The following RORA variants were observed in gnomAD, a reference collection of about 807,000 sequenced individuals.
RORA encodes the protein RAR related orphan receptor A, also known as nuclear receptor ROR-alpha.
Under a neutral mutation model 69.5 loss-of-function variants are expected in RORA, and 7 were observed. The observed-to-expected ratio is 0.10, with a 90% confidence interval of 0.06 to 0.19. RORA has a LOEUF of 0.19. RORA is among the 10% of genes least tolerant of loss of function. The pLI is 1.00. For missense variants in RORA, 457 were observed against 663.0 expected (o/e 0.69, Z 3.41); for synonymous variants, 261 against 240.8 (o/e 1.08, Z -0.78).
chr15:60,895,625 T>C (rs1891213367), intron 1 of RORA, among the ~76,000 whole-genome samples: 1 of 152,206 alleles, frequency 6.6e-6, no homozygotes, highest in Admixed American at 6.5e-5. Flanking sequence ...AGGCTGAGGC[T>C]TTTTATTTAA....
At chr15:60,547,914 C>G (rs184224743) in intron 2 of RORA, 59 of 152,224 alleles carry the variant, frequency 3.9e-4, no homozygotes, top group African/African-American at 1.4e-3. Flanking sequence ...AGTACGTTTG[C>G]TAAAATAAAA....
At chr15:61,028,976 G>C (rs1340794316) in intron 1 of RORA, among the ~76,000 whole-genome samples, 1 of 152,108 alleles carries the variant, frequency 6.6e-6, no homozygotes, top group African/African-American at 2.4e-5. Flanking sequence ...GTATGATGGG[G>C]AGTGAGTGCT....
chr15:61,105,638 T>C (rs1332393975), intron 1 of RORA, among the ~76,000 whole-genome samples: 3 of 152,214 alleles, frequency 2.0e-5, no homozygotes, highest in Admixed American at 6.5e-5. Context: ...AATCTAGTAA[T>C]GCATGAAAAT....
intron 1 of RORA, among the ~76,000 whole-genome samples, chr15:60,864,787 G>A (rs1330872820): frequency 6.6e-6 from 1 of 152,198 alleles, no homozygotes. Flanking sequence ...CATGAAGAGG[G>A]TGGGCATCTC....
intron 2 of RORA, among the ~76,000 whole-genome samples, chr15:60,578,164 T>C (rs541793125): frequency 9.1e-4 from 139 of 152,368 alleles, no homozygotes; most frequent in African/African-American, 3.1e-3. Flanking sequence ...TACACCGGTA[T>C]ATTTTGCACT....
chr15:60,887,136 A>G (rs2073759998), intron 1 of RORA, among the ~76,000 whole-genome samples: 1 of 118,448 alleles, frequency 8.4e-6, no homozygotes, highest in African/African-American at 3.4e-5. Context: ...TCCCTTTGCC[A>G]GAGCTGAGAG....
intron 1 of RORA, among the ~76,000 whole-genome samples, chr15:61,171,040 C>T (rs920494475): frequency 6.6e-6 from 1 of 152,224 alleles, no homozygotes; most frequent in Admixed American, 6.5e-5. Context: ...CAGCTGGTCA[C>T]TAGCAAAGGC....
intron 1 of RORA, among the ~76,000 whole-genome samples, chr15:60,941,855 G>A (rs1301450754): frequency 3.9e-5 from 6 of 152,292 alleles, no homozygotes; most frequent in East Asian, 1.9e-4. Context: ...AAGAAAAGAC[G>A]TGCAAACCGG....
At chr15:60,896,941 G>T (rs148580685) in intron 1 of RORA, among the ~76,000 whole-genome samples, 2 of 152,246 alleles carry the variant, frequency 1.3e-5, no homozygotes, top group Non-Finnish European at 2.9e-5. Context: ...TTCTCATGAG[G>T]TGGCTGCTCA....
intron 1 of RORA, among the ~76,000 whole-genome samples, chr15:60,945,276 C>T (rs1042539546): frequency 2.6e-5 from 4 of 152,164 alleles, no homozygotes; most frequent in Non-Finnish European, 5.9e-5. Context: ...ATGTATTCCA[C>T]GGTTCCTGTT....
chr15:61,101,141 C>T (rs1024187427), intron 1 of RORA, among the ~76,000 whole-genome samples: 1 of 152,206 alleles, frequency 6.6e-6, no homozygotes, highest in Non-Finnish European at 1.5e-5. Context: ...CAACCTGTTA[C>T]AAATCACTCA....
In RORA at chr15:60,496,129, C is replaced by T. The variant is rs1715943432; in HGVS notation, c.*1326G>A. ...TTTTTCAAATATGGAGAGCAACATT[C>T]TTGAATTATAGCATCTATTGACAAC... On this transcript the variant is annotated 3_prime_UTR_variant, in exon 11 of 11. Coordinates refer to ENST00000335670, the MANE Select transcript of RORA (RefSeq NM_134261.3). This position sits in a 1 kb window ranked among gnomAD's most constrained non-coding sequence, Gnocchi z 4.5. 6.6e-6 allele frequency: 1 copy of T among 152,120 alleles called. No individual in the cohort carries two copies. The highest frequency in any genetic ancestry group is 2.4e-5 in the African/African-American group (1 of 41,418). 9.4% of individuals were successfully genotyped at this position (152,120 alleles called of 1,614,324 possible). A position where few individuals can be genotyped will look rare whatever the true frequency, so the allele number is the denominator to read the frequency against.
intron 1 of RORA, among the ~76,000 whole-genome samples, chr15:60,714,174 C>T (rs564009885): frequency 6.6e-6 from 1 of 152,128 alleles, no homozygotes; most frequent in East Asian, 1.9e-4. Context: ...CTGCCTCAGC[C>T]TCCCAAGTAG....
At chr15:61,227,878 T>G (rs998866391) in intron 1 of RORA, among the ~76,000 whole-genome samples, 3 of 152,228 alleles carry the variant, frequency 2.0e-5, no homozygotes, top group African/African-American at 7.2e-5. Context: ...AGCTTCCTCC[T>G]GTTCTTTGCA....
At chr15:60,572,455 T>A (rs1335092772) in intron 2 of RORA, among the ~76,000 whole-genome samples, 3 of 151,948 alleles carry the variant, frequency 2.0e-5, no homozygotes, top group Non-Finnish European at 2.9e-5. Flanking sequence ...GTTTAATAAA[T>A]GCATGGCTAT....
intron 1 of RORA, among the ~76,000 whole-genome samples, chr15:61,104,664 GCTACCTTATGGAAT>G (rs2078927203): frequency 1.3e-5 from 2 of 152,080 alleles, no homozygotes; most frequent in African/African-American, 4.8e-5. Flanking sequence ...TCCACTGAAG[GCTACCTTATGGAAT>G]TCTTCAAAAA....
At chr15:60,636,282 G>T (rs58558667) in intron 2 of RORA, among the ~76,000 whole-genome samples, 58,590 of 152,008 alleles carry the variant, frequency 0.39, 11,526 homozygotes, top group East Asian at 0.6. Context: ...CTAGAAAGAG[G>T]TAGGGATGTG....
chr15:60,672,762 C>T (rs564052956), intron 2 of RORA, among the ~76,000 whole-genome samples: 65 of 152,250 alleles, frequency 4.3e-4, no homozygotes, highest in Middle Eastern at 6.8e-3. Flanking sequence ...AAATAATGCA[C>T]GTAAAGCATT....
intron 1 of RORA, among the ~76,000 whole-genome samples, chr15:61,165,138 C>T (rs1435292804): frequency 6.6e-6 from 1 of 152,176 alleles, no homozygotes; most frequent in Non-Finnish European, 1.5e-5. Flanking sequence ...TGTGAAAAAA[C>T]ACTTGTTTCA....
Sources: allele counts gnomAD v4.1 joint callset (sites outside exome capture counted in the v4.1 genomes callset), GRCh38; gene constraint gnomAD v4.1.1; non-coding constraint Gnocchi (gnomAD v3.1); transcripts MANE v1.5; gene names NCBI Gene and HGNC (gene_info 2026-07-23, HGNC 2026-07-21).